Variants in TSHZ2 observed in about 807,000 individuals in gnomAD.
TSHZ2 encodes the protein teashirt homolog 2.
In TSHZ2, 21 loss-of-function variants were observed where a neutral mutation model predicts 74.4. The ratio of observed to expected loss-of-function variants is 0.28; its 90% confidence interval spans 0.20 to 0.41. The LOEUF (loss-of-function observed/expected upper bound fraction) is 0.41. Among genes scored for constraint, TSHZ2 ranks in the 10% least tolerant of loss-of-function variants. TSHZ2 has a pLI of 1.00. For synonymous variants in TSHZ2, 540 were observed against 515.3 expected (o/e 1.05, Z -0.65); for missense variants, 1,244 against 1,293.5 (o/e 0.96, Z 0.59).
At chr20:53,411,792 G>A (rs1983062372) in intron 2 of TSHZ2, among the ~76,000 whole-genome samples, 1 of 152,030 alleles carries the variant, frequency 6.6e-6, no homozygotes, top group Non-Finnish European at 1.5e-5. Context: ...TCAAGCTACT[G>A]CACTTAAGCC....
chr20:53,454,256 G>C (rs150780210), intron 2 of TSHZ2, among the ~76,000 whole-genome samples: 4 of 152,046 alleles, frequency 2.6e-5, no homozygotes, highest in East Asian at 1.9e-4. Flanking sequence ...GATGAAACCC[G>C]TGGAGCCCTT....
chr20:53,194,488 C>T (rs1254283550), intron 1 of TSHZ2, among the ~76,000 whole-genome samples: 12 of 152,156 alleles, frequency 7.9e-5, no homozygotes, highest in Non-Finnish European at 1.2e-4. Flanking sequence ...GGTTAGTCTC[C>T]GACTTTCAGC....
chr20:53,275,401 A>G (rs1342001155), intron 2 of TSHZ2, among the ~76,000 whole-genome samples: 1 of 152,088 alleles, frequency 6.6e-6, no homozygotes, highest in African/African-American at 2.4e-5. Flanking sequence ...TTATAACTGA[A>G]CATTAGCAAT....
chr20:53,100,187 C>A (rs921048478), intron 1 of TSHZ2, among the ~76,000 whole-genome samples: 5 of 152,120 alleles, frequency 3.3e-5, no homozygotes, highest in African/African-American at 1.2e-4. Context: ...AAAGATGGAG[C>A]CTTGATTTGC....
At chr20:53,136,806 T>A (rs572715465) in intron 1 of TSHZ2, among the ~76,000 whole-genome samples, 16 of 151,858 alleles carry the variant, frequency 1.1e-4, no homozygotes, top group African/African-American at 3.9e-4. Context: ...AAAAAAAAAA[T>A]CTACTGAGGA....
At chr20:53,193,784 T>C (rs1406617226) in intron 1 of TSHZ2, among the ~76,000 whole-genome samples, 2 of 152,300 alleles carry the variant, frequency 1.3e-5, no homozygotes, top group Admixed American at 6.5e-5. Flanking sequence ...AGGTCTCTTC[T>C]TGAGCTAAGA....
chr20:53,432,985 C>A (rs1333389917), intron 2 of TSHZ2, among the ~76,000 whole-genome samples: 2 of 152,102 alleles, frequency 1.3e-5, no homozygotes, highest in Non-Finnish European at 2.9e-5. Context: ...TTGATCATTG[C>A]CTTACAACTG....
At chr20:53,085,913 G>T (rs1395814874) in intron 1 of TSHZ2, among the ~76,000 whole-genome samples, 2 of 152,176 alleles carry the variant, frequency 1.3e-5, no homozygotes, top group Non-Finnish European at 2.9e-5. Context: ...CTTCATGAGG[G>T]CTTCTCAAAG....
chr20:53,037,749 C>G (rs1983872105), intron 1 of TSHZ2, among the ~76,000 whole-genome samples: 1 of 152,128 alleles, frequency 6.6e-6, no homozygotes, highest in Non-Finnish European at 1.5e-5. Flanking sequence ...CTGTGAGCAC[C>G]GGGAGACTTG....
At chr20:53,006,876 A>C (rs1037761678) in intron 1 of TSHZ2, among the ~76,000 whole-genome samples, 5 of 146,024 alleles carry the variant, frequency 3.4e-5, no homozygotes, top group Non-Finnish European at 7.6e-5. Context: ...TGAATAAAAA[A>C]TAAAAATAGG....
Position 53,436,544 on chromosome 20 carries a change from TA to T in TSHZ2, c.*9-50599del, listed in dbSNP as rs200166576. Among the ~76,000 whole-genome samples the T allele has an allele frequency of 4.1e-3, 330 of 81,114 alleles. 2 individuals are homozygous for T. The highest frequency in any genetic ancestry group is 0.025 in the Middle Eastern group (4 of 160). The allele number at this position is 81,114 out of a possible 152,430, so 53.2% of individuals were successfully genotyped here. On this transcript the variant is annotated intron_variant, in intron 2 of 2. Coordinates refer to ENST00000371497, the MANE Select transcript of TSHZ2 (RefSeq NM_173485.6). ...ATTTATTTATTATTATTATTATTAT[TA>T]TTATTTTTTTTTTTTTTTTAGATGG...
At chr20:53,391,292 A>G (rs932493236) in intron 2 of TSHZ2, among the ~76,000 whole-genome samples, 55 of 151,792 alleles carry the variant, frequency 3.6e-4, no homozygotes, top group Non-Finnish European at 1.2e-4. Flanking sequence ...GACTACAGGC[A>G]CCCGCCACCA....
chr20:53,309,261 C>A (rs1187909756), intron 2 of TSHZ2, among the ~76,000 whole-genome samples: 1 of 152,172 alleles, frequency 6.6e-6, no homozygotes, highest in East Asian at 1.9e-4. Flanking sequence ...TGGGCTACTT[C>A]AAGAAGTGTT....
chr20:53,464,755 A>C (rs561251231), intron 2 of TSHZ2, among the ~76,000 whole-genome samples: 1 of 152,254 alleles, frequency 6.6e-6, no homozygotes, highest in South Asian at 2.1e-4. Flanking sequence ...GGTGTCAGCC[A>C]CCACGCCCAG....
At chr20:53,186,979 T>C (rs1340122970) in intron 1 of TSHZ2, among the ~76,000 whole-genome samples, 4 of 152,236 alleles carry the variant, frequency 2.6e-5, no homozygotes, top group African/African-American at 4.8e-5. Flanking sequence ...ACTTCTGCCA[T>C]TTTTCATGGA....
In TSHZ2 at chr20:53,255,859, G is replaced by A. The variant is rs776713281; in HGVS notation, c.2401G>A (p.Val801Ile). 1.9e-6 allele frequency: 3 copies of A among 1,612,112 alleles called. No individual in the cohort carries two copies. In the East Asian group the frequency reaches 6.7e-5, roughly 36 times the overall value. The change falls in exon 2 of 3, where the codon GTC (valine) becomes ATC (isoleucine). Residue 801 changes from valine to isoleucine, a missense_variant. Coordinates refer to ENST00000371497, the MANE Select transcript of TSHZ2 (RefSeq NM_173485.6). The surrounding 1 kb of genome is among the most constrained non-coding windows in gnomAD (Gnocchi z 4.1). Reference sequence around the variant, plus strand: ...GTCTGACATCGCCGACATGGTCAAAGTCCTCCCCAAAGCCACCACCCCAAA... The same window carrying A: ...GTCTGACATCGCCGACATGGTCAAAATCCTCCCCAAAGCCACCACCCCAAA... ...ALSDIADMVK[V>I]LPKATTPKPA...
chr20:53,117,983 G>A (rs1168169487), intron 1 of TSHZ2, among the ~76,000 whole-genome samples: 1 of 152,162 alleles, frequency 6.6e-6, no homozygotes, highest in African/African-American at 2.4e-5. Flanking sequence ...CATTACAGTT[G>A]GGCCACATGG....
intron 1 of TSHZ2, among the ~76,000 whole-genome samples, chr20:53,184,052 C>T (rs1012855398): frequency 7.9e-5 from 12 of 152,184 alleles, no homozygotes; most frequent in Non-Finnish European, 7.3e-5. Flanking sequence ...CCCTCTCAGT[C>T]GCTTCACCTC....
At chr20:53,283,625 G>T (rs1991107405) in intron 2 of TSHZ2, among the ~76,000 whole-genome samples, 1 of 152,184 alleles carries the variant, frequency 6.6e-6, no homozygotes, top group African/African-American at 2.4e-5. Context: ...TATACTGAAA[G>T]CTTACTTATG....
Sources: allele counts gnomAD v4.1 joint callset (sites outside exome capture counted in the v4.1 genomes callset), GRCh38; gene constraint gnomAD v4.1.1; non-coding constraint Gnocchi (gnomAD v3.1); transcripts MANE v1.5; gene names NCBI Gene and HGNC (gene_info 2026-07-23, HGNC 2026-07-21).